The following GTSE1 variants were observed in gnomAD, a reference collection of about 807,000 sequenced individuals.
GTSE1 encodes G2 and S phase-expressed protein 1.
In GTSE1, 52 loss-of-function variants were observed where a neutral mutation model predicts 60.5. That is an observed-to-expected ratio of 0.86 (90% CI 0.69 to 1.08). The LOEUF (loss-of-function observed/expected upper bound fraction) is 1.08, where lower values mean the gene tolerates loss of function less well. Among genes scored for constraint, GTSE1 ranks in the 50% least tolerant of loss-of-function variants. The probability of loss-of-function intolerance (pLI) is 0.00; values close to 1 mark genes in which losing one functional copy is unlikely to be tolerated. For synonymous variants in GTSE1, 368 were observed against 386.5 expected (o/e 0.95, Z 0.56); for missense variants, 937 against 961.8 (o/e 0.97, Z 0.34).
chr22:46,325,629 G>A (rs1180999862), intron 8 of GTSE1, among the ~76,000 whole-genome samples: 2 of 152,230 alleles, frequency 1.3e-5, no homozygotes, highest in Admixed American at 1.3e-4. Context: ...CTGAGTAGCT[G>A]GGACCACAGG....
chr22:46,298,606 C>T (rs1441899736), intron 2 of GTSE1, among the ~76,000 whole-genome samples: 2 of 152,218 alleles, frequency 1.3e-5, no homozygotes, highest in Non-Finnish European at 2.9e-5. Flanking sequence ...CCGCGCCTGG[C>T]CCCAAGCATC....
Position 46,318,104 on chromosome 22 carries a change from CAGT to C in GTSE1, c.1432+1693_1432+1695del, listed in dbSNP as rs765974554. Among the ~76,000 whole-genome samples, 16 of 152,364 alleles carry C rather than the reference CAGT, an allele frequency of 1.1e-4. No individual in the cohort carries two copies. The highest frequency in any genetic ancestry group is 2.6e-4 in the Admixed American group (4 of 15,310). On this transcript the variant is annotated intron_variant, in intron 7 of 11. Coordinates refer to ENST00000454366, the MANE Select transcript of GTSE1 (RefSeq NM_016426.7). This position sits in a 1 kb window ranked among gnomAD's most constrained non-coding sequence, Gnocchi z 4.8. Reference sequence around the variant, plus strand: ...AGCTCCAGCCACTGCCTTCTCCAGTCAGTGAGGCCACTGGCCCCAGCAGGTGTC... The same window carrying C: ...AGCTCCAGCCACTGCCTTCTCCAGTCGAGGCCACTGGCCCCAGCAGGTGTC...
rs1157836277 is a variant in GTSE1, at chr22:46,324,390, CAG to C, written c.1505+1131_1505+1132del. The stretch of plus-strand genomic sequence containing the variant: ...TCTTTTCTTTTCTTTTTTTTTGAGA[CAG>C]AGTCTCACTCTGTCACCCAGGCTGG... On this transcript the variant is annotated intron_variant, in intron 8 of 11. Transcript: ENST00000454366. The surrounding 1 kb of genome is among the most constrained non-coding windows in gnomAD (Gnocchi z 5.2). Among the ~76,000 whole-genome samples, 4 of 151,738 alleles carry C rather than the reference CAG, an allele frequency of 2.6e-5. No homozygotes were observed. The highest frequency in any genetic ancestry group is 2.1e-4 in the South Asian group (1 of 4,804).
chr22:46,329,284 C>T lies in GTSE1; in HGVS notation c.1927-74C>T. The T allele has an allele frequency of 1.6e-6, 2 of 1,256,688 alleles. No individual in the cohort carries two copies. Among genetic ancestry groups the T allele is most frequent in the South Asian group, 2.4e-5 (2 of 83,768 alleles). The allele number at this position is 1,256,688 out of a possible 1,614,324, so 77.8% of individuals were successfully genotyped here. On this transcript the variant is annotated intron_variant, in intron 10 of 11. Transcript: ENST00000454366. The surrounding 1 kb of genome is among the most constrained non-coding windows in gnomAD (Gnocchi z 6.4). Reference sequence around the variant, plus strand: ...ACCGCCAGCCCACCTGGAACATGAGCAAAGCTCACATTCTCCCAAGATGGT... The same window carrying T: ...ACCGCCAGCCCACCTGGAACATGAGTAAAGCTCACATTCTCCCAAGATGGT...
At position 46,309,392 on chromosome 22, in the gene GTSE1, T is replaced by C. The variant is rs978614576; in HGVS notation, c.762+449T>C. On this transcript the variant is annotated intron_variant, in intron 4 of 11. Transcript: ENST00000454366. This position sits in a 1 kb window ranked among gnomAD's most constrained non-coding sequence, Gnocchi z 6.2. ...GTGCCTTTGGGTGCAGTCTGCCTAC[T>C]CTGGGACACTGAGGGTCCTGGAGGT... Among the ~76,000 whole-genome samples the C allele has an allele frequency of 6.6e-6, 1 of 152,142 alleles. No homozygotes were observed. Among genetic ancestry groups the C allele is most frequent in the Admixed American group, 6.6e-5 (1 of 15,260 alleles).
In GTSE1 at chr22:46,308,656, A is replaced by G; in HGVS notation, c.475A>G (p.Thr159Ala). The G allele has an allele frequency of 6.2e-7, 1 of 1,614,038 alleles. No homozygotes were observed. Among genetic ancestry groups the G allele is most frequent in the South Asian group, 1.1e-5 (1 of 91,090 alleles). ...AGAAAAGGAAATGAAGAAAAGCCCC[A>G]CGTCTCTTAAAAGGGAGACATACTA... The part of the protein sequence containing the change: ...EKEKEMKKSP[T>A]SLKRETYYLS... The change falls in exon 4 of 12, where the codon ACG (threonine) becomes GCG (alanine). Residue 159 changes from threonine to alanine, a missense_variant. Coordinates refer to ENST00000454366, the MANE Select transcript of GTSE1 (RefSeq NM_016426.7).
At position 46,297,683 on chromosome 22, in the gene GTSE1, G is replaced by C. The variant is rs910020253; in HGVS notation, c.79+204G>C. Among the ~76,000 whole-genome samples, 1 of 152,142 alleles carries C rather than the reference G, an allele frequency of 6.6e-6. No homozygotes were observed. The highest frequency in any genetic ancestry group is 1.5e-5 in the Non-Finnish European group (1 of 68,032). On this transcript the variant is annotated intron_variant, in intron 2 of 11. Coordinates refer to ENST00000454366, the MANE Select transcript of GTSE1 (RefSeq NM_016426.7). The surrounding 1 kb of genome is among the most constrained non-coding windows in gnomAD (Gnocchi z 4.9). Reference sequence around the variant, plus strand: ...TTCATCACAGCCAGGATTCTCATCCGTTTTATTTACCGCAGTGCTCCCATG... The same window carrying C: ...TTCATCACAGCCAGGATTCTCATCCCTTTTATTTACCGCAGTGCTCCCATG...
intron 2 of GTSE1, among the ~76,000 whole-genome samples, chr22:46,305,764 C>T (rs1325832249): frequency 1.4e-5 from 2 of 144,586 alleles, no homozygotes; most frequent in East Asian, 2.1e-4. Context: ...AAAATTAGCC[C>T]GGTGTGGTGG....
At chr22:46,328,336 C>T (rs562673010) in intron 9 of GTSE1, among the ~76,000 whole-genome samples, 2 of 152,328 alleles carry the variant, frequency 1.3e-5, no homozygotes, top group African/African-American at 2.4e-5. Flanking sequence ...CCACTAGCTG[C>T]ATGCGAGGAG....
rs1317616991 is a variant in GTSE1, at chr22:46,310,316, G to A, written c.762+1373G>A. On this transcript the variant is annotated intron_variant, in intron 4 of 11. Coordinates refer to ENST00000454366, the MANE Select transcript of GTSE1 (RefSeq NM_016426.7). This position sits in a 1 kb window ranked among gnomAD's most constrained non-coding sequence, Gnocchi z 4.4. ...AGGATGAGGATGTTGTGGAGGATGAGGAGAAGGCTGAGGATGTGGAGAAGC... is the reference window on the plus strand; with the variant it reads ...AGGATGAGGATGTTGTGGAGGATGAAGAGAAGGCTGAGGATGTGGAGAAGC... 1.3e-5 allele frequency among the ~76,000 whole-genome samples: 2 copies of A among 152,210 alleles called. No individual in the cohort carries two copies. Among genetic ancestry groups the A allele is most frequent in the South Asian group, 2.1e-4 (1 of 4,836 alleles).
chr22:46,329,265 A>G lies in GTSE1; in HGVS notation c.1927-93A>G. The G allele has an allele frequency of 9.2e-7, 1 of 1,082,968 alleles. No homozygotes were observed. The highest frequency in any genetic ancestry group is 1.3e-5 in the South Asian group (1 of 79,832). 67.1% of individuals were successfully genotyped at this position (1,082,968 alleles called of 1,614,324 possible). A position where few individuals can be genotyped will look rare whatever the true frequency, so the allele number is the denominator to read the frequency against. ...TGATTCCTTGGCTTTCCAAACCGCCAGCCCACCTGGAACATGAGCAAAGCT... is the reference window on the plus strand; with the variant it reads ...TGATTCCTTGGCTTTCCAAACCGCCGGCCCACCTGGAACATGAGCAAAGCT... On this transcript the variant is annotated intron_variant, in intron 10 of 11. Transcript: ENST00000454366. The surrounding 1 kb of genome is among the most constrained non-coding windows in gnomAD (Gnocchi z 6.4).
At position 46,318,194 on chromosome 22, in the gene GTSE1, T is replaced by C. The variant is rs2147825817; in HGVS notation, c.1432+1782T>C. ...GAATTTCTTGAACAATTGTGTGCAA[T>C]GCAGAAAGTTCTCAGAGCTGACTTA... On this transcript the variant is annotated intron_variant, in intron 7 of 11. Transcript: ENST00000454366. This position sits in a 1 kb window ranked among gnomAD's most constrained non-coding sequence, Gnocchi z 4.8. 6.6e-6 allele frequency among the ~76,000 whole-genome samples: 1 copy of C among 152,364 alleles called. No homozygotes were observed. The highest frequency in any genetic ancestry group is 2.1e-4 in the South Asian group (1 of 4,834).
rs549871021 is a variant in GTSE1 at position 46,302,836 on chromosome 22, G to T, written c.80-5314G>T. The stretch of plus-strand genomic sequence containing the variant: ...TGGTGTGAGGCATGGACCAAACTTA[G>T]TTGGCATTTTTCCAGATGATTATGT... On this transcript the variant is annotated intron_variant, in intron 2 of 11. Coordinates refer to ENST00000454366, the MANE Select transcript of GTSE1 (RefSeq NM_016426.7). Among the ~76,000 whole-genome samples, 16 of 150,548 alleles carry T rather than the reference G, an allele frequency of 1.1e-4. No homozygotes were observed. In the East Asian group the frequency reaches 2.5e-3, roughly 24 times the overall value.
At chr22:46,311,274 C>T (rs1484722250) in intron 4 of GTSE1, among the ~76,000 whole-genome samples, 1 of 152,068 alleles carries the variant, frequency 6.6e-6, no homozygotes, top group Non-Finnish European at 1.5e-5. Flanking sequence ...GACAGGGTTT[C>T]ATCATATTAG....
At chr22:46,307,577 C>T (rs1437477806) in intron 2 of GTSE1, among the ~76,000 whole-genome samples, 1 of 151,962 alleles carries the variant, frequency 6.6e-6, no homozygotes, top group African/African-American at 2.4e-5. Flanking sequence ...CATCTTGGCT[C>T]ACTGCAACTT....
chr22:46,297,006 A>C lies in GTSE1; in HGVS notation c.-22+75A>C. On this transcript the variant is annotated intron_variant, in intron 1 of 11. Coordinates refer to ENST00000454366, the MANE Select transcript of GTSE1 (RefSeq NM_016426.7). This position sits in a 1 kb window ranked among gnomAD's most constrained non-coding sequence, Gnocchi z 4.9. The stretch of plus-strand genomic sequence containing the variant: ...CGGCGCGGTGCCCGCCGTTTTCGGG[A>C]CGGGGAGGGGCCGCGCCCCGCCAGG... 5.3e-6 allele frequency: 1 copy of C among 187,530 alleles called. No individual in the cohort carries two copies. The highest frequency in any genetic ancestry group is 1.1e-5 in the Non-Finnish European group (1 of 89,224). 11.6% of individuals were successfully genotyped at this position (187,530 alleles called of 1,614,324 possible).
rs536606477 is a variant in GTSE1 at position 46,323,922 on chromosome 22, GGCCTCGTGATCCGCCC to G, written c.1505+666_1505+681del. Among the ~76,000 whole-genome samples the G allele has an allele frequency of 1.1e-3, 171 of 152,224 alleles. 1 individual carries two copies. The highest frequency in any genetic ancestry group is 6.8e-3 in the Middle Eastern group (2 of 294). On this transcript the variant is annotated intron_variant, in intron 8 of 11. Transcript: ENST00000454366. The stretch of plus-strand genomic sequence containing the variant: ...TTAGCCAGGATGGTCTCGATCTCCT[GGCCTCGTGATCCGCCC>G]GCCTCTGCCTCCCAAAGTGCTGGGA...
chr22:46,300,581 A>G (rs962565975), intron 2 of GTSE1, among the ~76,000 whole-genome samples: 3 of 151,954 alleles, frequency 2.0e-5, no homozygotes, highest in African/African-American at 7.3e-5. Flanking sequence ...AGGTGTTCCC[A>G]CCTCTACATG....
In GTSE1 at chr22:46,329,927, C is replaced by T. The variant is rs1460669018; in HGVS notation, c.2137-120C>T. 1 of 690,394 alleles carries T rather than the reference C, an allele frequency of 1.4e-6. No homozygotes were observed. Among genetic ancestry groups the T allele is most frequent in the African/African-American group, 1.8e-5 (1 of 56,910 alleles). The allele number at this position is 690,394 out of a possible 1,614,324, so 42.8% of individuals were successfully genotyped here. A position where few individuals can be genotyped will look rare whatever the true frequency, so the allele number is the denominator to read the frequency against. Reference sequence around the variant, plus strand: ...TGGTGGCCCAGAGTGCTTTTCAGTGCACCCGAGCCAGGATGAGCGAGTGGC... The same window carrying T: ...TGGTGGCCCAGAGTGCTTTTCAGTGTACCCGAGCCAGGATGAGCGAGTGGC... On this transcript the variant is annotated intron_variant, in intron 11 of 11. Coordinates refer to ENST00000454366, the MANE Select transcript of GTSE1 (RefSeq NM_016426.7). This position sits in a 1 kb window ranked among gnomAD's most constrained non-coding sequence, Gnocchi z 6.4.
Sources: allele counts gnomAD v4.1 joint callset (sites outside exome capture counted in the v4.1 genomes callset), GRCh38; gene constraint gnomAD v4.1.1; non-coding constraint Gnocchi (gnomAD v3.1); transcripts MANE v1.5; gene names NCBI Gene and HGNC (gene_info 2026-07-23, HGNC 2026-07-21).